SLC6A6: variants seen among roughly 807,000 people sequenced by gnomAD.
SLC6A6 encodes solute carrier family 6 member 6.
In SLC6A6, 16 loss-of-function variants were observed where a neutral mutation model predicts 68.8. The ratio of observed to expected loss-of-function variants is 0.23; its 90% CI spans 0.16 to 0.35. The LOEUF (loss-of-function observed/expected upper bound fraction) is 0.35. Among genes scored for constraint, SLC6A6 ranks in the 10% least tolerant of loss-of-function variants. The pLI is 1.00. For missense variants in SLC6A6, 474 were observed against 802.8 expected, an observed-to-expected ratio of 0.59 and a Z score of 4.95; for synonymous variants, 312 against 315.4, an observed-to-expected ratio of 0.99 and a Z score of 0.12.
chr3:14,460,725 A>G (rs1700475549), intron 6 of SLC6A6, among the ~76,000 whole-genome samples: 1 of 152,256 alleles, frequency 6.6e-6, no homozygotes, highest in Non-Finnish European at 1.5e-5. Context: ...CACCCTTAGC[A>G]ACAACCTCCT....
In SLC6A6 at chr3:14,485,040, C is replaced by T; in HGVS notation, c.*33C>T. 1 of 1,566,858 alleles carries T rather than the reference C, an allele frequency of 6.4e-7. No individual in the cohort carries two copies. Among genetic ancestry groups the T allele is most frequent in the Admixed American group, 1.7e-5 (1 of 57,846 alleles). ...CGGGTCGACGGGGCCGGCGGCTTTC[C>T]TGCTGTTTACTAACATTAGATTCTC... On this transcript the variant is annotated 3_prime_UTR_variant, in exon 15 of 15. Transcript: ENST00000622186.
At chr3:14,466,705 C>G (rs1243795967) in intron 7 of SLC6A6, 55 bp downstream of exon 7, 1 of 1,514,350 alleles carries the variant, frequency 6.6e-7, no homozygotes, top group Non-Finnish European at 9.0e-7. Flanking sequence ...TGGGCCGGCA[C>G]AGGACAGGGC....
chr3:14,460,198 G>C (rs1044259182), intron 6 of SLC6A6, among the ~76,000 whole-genome samples: 2 of 152,100 alleles, frequency 1.3e-5, no homozygotes, highest in African/African-American at 2.4e-5. Flanking sequence ...GTGCTTTGTA[G>C]AAACAGGGCT....
At position 14,451,159 on chromosome 3, in the gene SLC6A6, A is replaced by C. The variant is rs531946490; in HGVS notation, c.599+3343A>C. 9.6e-4 allele frequency among the ~76,000 whole-genome samples: 146 copies of C among 152,290 alleles called. 2 individuals carry two copies. In the South Asian group the frequency reaches 0.029, roughly 31 times the overall value. On this transcript the variant is annotated intron_variant, in intron 5 of 14. Coordinates refer to ENST00000622186, the MANE Select transcript of SLC6A6 (RefSeq NM_003043.6). ...TTAATTCCCAGCTCAGAACCCTCTC[A>C]TGGCTTTTCCCATGCTATGATCTCA...
rs550713561 is a variant in SLC6A6 at position 14,450,509 on chromosome 3, T to G, written c.599+2693T>G. Among the ~76,000 whole-genome samples, 1 of 152,178 alleles carries G rather than the reference T, an allele frequency of 6.6e-6. No individual in the cohort carries two copies. The highest frequency in any genetic ancestry group is 1.9e-4 in the East Asian group (1 of 5,168). On this transcript the variant is annotated intron_variant, in intron 5 of 14. Transcript: ENST00000622186. This position sits in a 1 kb window ranked among gnomAD's most constrained non-coding sequence, Gnocchi z 4.1. ...CACCTCCCACTCCAGCTCTCACACC[T>G]CTCCTACCCCTGCACCCCTAGCCCC...
intron 7 of SLC6A6, among the ~76,000 whole-genome samples, 160 bp from the exon 8 acceptor site, chr3:14,467,693 C>T (rs1422423636): frequency 6.6e-6 from 1 of 152,164 alleles, no homozygotes; most frequent in African/African-American, 2.4e-5. Flanking sequence ...TCAGTACTGC[C>T]TTGAAAGGCA....
chr3:14,477,264 G>A lies in SLC6A6; in HGVS notation c.1269G>A (p.Arg423=), dbSNP rs1366125815. The A allele has an allele frequency of 7.4e-6, 12 of 1,613,890 alleles. No homozygotes were observed. The South Asian group carries it at 1.1e-4, about 15-fold the overall frequency. Residue 423 remains arginine, a synonymous_variant, in exon 11 of 15, where the codon AGG becomes AGA. Coordinates refer to ENST00000622186, the MANE Select transcript of SLC6A6 (RefSeq NM_003043.6). This position sits in a 1 kb window ranked among gnomAD's most constrained non-coding sequence, Gnocchi z 4.2. ...SLVDLYPSFL[R]KGYRREIFIA... ...TTGATCTTTACCCATCCTTCCTAAG[G>A]AAGGGTTATCGTCGGGAAATCTTCA...
intron 2 of SLC6A6, among the ~76,000 whole-genome samples, chr3:14,438,730 A>T (rs6801072): frequency 0.79 from 119,664 of 152,160 alleles, 47,488 homozygotes; most frequent in African/African-American, 0.89. Context: ...AGAAGCAGGC[A>T]AAATAGGAAA....
At chr3:14,469,238 C>G (rs1192976801) in intron 9 of SLC6A6, among the ~76,000 whole-genome samples, 1 of 152,006 alleles carries the variant, frequency 6.6e-6, no homozygotes, top group Non-Finnish European at 1.5e-5. Flanking sequence ...CGTCCATGTC[C>G]TAATTTCATA....
At chr3:14,409,742 G>C (rs1484419137) in intron 1 of SLC6A6, among the ~76,000 whole-genome samples, 2 of 152,364 alleles carry the variant, frequency 1.3e-5, no homozygotes, top group Non-Finnish European at 2.9e-5. Flanking sequence ...CGCCGCCTCA[G>C]GTCTGAGGGA....
chr3:14,447,415 T>C (rs1274051375), intron 4 of SLC6A6, among the ~76,000 whole-genome samples, 167 bp from the exon 5 acceptor site: 1 of 152,238 alleles, frequency 6.6e-6, no homozygotes, highest in Non-Finnish European at 1.5e-5. Context: ...GTTTCACCTT[T>C]CCATTCAACC....
At chr3:14,462,496 G>A (rs1898286) in intron 6 of SLC6A6, among the ~76,000 whole-genome samples, 78,709 of 151,958 alleles carry the variant, frequency 0.52, 21,791 homozygotes, top group African/African-American at 0.72. Context: ...TCAGGAGTCC[G>A]AGACCAACCT....
intron 2 of SLC6A6, among the ~76,000 whole-genome samples, chr3:14,424,318 G>T (rs1393807262): frequency 2.6e-5 from 4 of 151,894 alleles, no homozygotes; most frequent in Non-Finnish European, 4.4e-5. Flanking sequence ...TGTCAGGGAT[G>T]GGGAGGGCCT....
intron 2 of SLC6A6, among the ~76,000 whole-genome samples, chr3:14,427,693 C>A (rs1699632587): frequency 6.6e-6 from 1 of 152,182 alleles, no homozygotes. Flanking sequence ...CATTCCTCTC[C>A]TGAAGGTTTT....
rs577239731 is a variant in SLC6A6 at position 14,438,104 on chromosome 3, C to A, written c.-11-5520C>A. ...AAGTGATCTGCCCACCTCGGCCTCC[C>A]AAAGTGCTGGAATTACAGGCGTGAG... On this transcript the variant is annotated intron_variant, in intron 2 of 14. Coordinates refer to ENST00000622186, the MANE Select transcript of SLC6A6 (RefSeq NM_003043.6). Among the ~76,000 whole-genome samples the A allele has an allele frequency of 5.9e-5, 9 of 151,480 alleles. No homozygotes were observed. The South Asian group carries it at 1.9e-3, about 32-fold the overall frequency.
chr3:14,469,024 C>G (rs781214250), intron 9 of SLC6A6, among the ~76,000 whole-genome samples: 1 of 152,150 alleles, frequency 6.6e-6, no homozygotes, highest in Non-Finnish European at 1.5e-5. Context: ...TGCCTCGATT[C>G]TGGGACTTGG....
intron 2 of SLC6A6, among the ~76,000 whole-genome samples, chr3:14,430,529 C>G (rs932177942): frequency 6.6e-6 from 1 of 152,208 alleles, no homozygotes. Flanking sequence ...TGAGAAGCGT[C>G]GGTCCTCCCT....
chr3:14,470,255 T>G (rs960899513), intron 9 of SLC6A6, among the ~76,000 whole-genome samples: 2 of 152,238 alleles, frequency 1.3e-5, no homozygotes, highest in African/African-American at 4.8e-5. Context: ...ACCTTGTCAT[T>G]TATTCCCCAC....
chr3:14,446,030 C>T (rs967983921), intron 4 of SLC6A6, among the ~76,000 whole-genome samples, 179 bp downstream of exon 4: 6 of 152,164 alleles, frequency 3.9e-5, no homozygotes, highest in South Asian at 2.1e-4. Context: ...CTTAGGAGTA[C>T]GGGGAAAGGA....
Sources: gnomAD v4.1 joint callset for allele counts (sites outside exome capture counted in the v4.1 genomes callset) on GRCh38, gnomAD v4.1.1 for gene constraint, Gnocchi (gnomAD v3.1) non-coding constraint, MANE v1.5 for transcripts, NCBI Gene and HGNC (gene_info 2026-07-23, HGNC 2026-07-21) for gene names.